Variants in CLCN5 observed in about 807,000 individuals in gnomAD.
The protein encoded by CLCN5 is H(+)/Cl(-) exchange transporter 5.
In CLCN5, 17 loss-of-function variants were observed where a neutral mutation model predicts 54.0. The observed-to-expected ratio is 0.31, with a 90% confidence interval of 0.22 to 0.47. CLCN5 has a LOEUF of 0.47. Among genes scored for constraint, CLCN5 ranks in the 20% least tolerant of loss-of-function variants. The pLI is 1.00. For synonymous variants in CLCN5, 222 were observed against 233.0 expected (o/e 0.95, Z 0.43); for missense variants, 448 against 646.7 (o/e 0.69, Z 3.33).
chrX:49,962,397 A>G (rs1569537417), intron 3 of CLCN5, among the ~76,000 whole-genome samples: 2 of 111,749 alleles, frequency 1.8e-5, no homozygotes, highest in Non-Finnish European at 3.8e-5. Flanking sequence ...TGATGCTTCA[A>G]GACCCACTTG....
chrX:50,076,297 G>A (rs1190869619), intron 7 of CLCN5, among the ~76,000 whole-genome samples: 2 of 112,219 alleles, frequency 1.8e-5, no homozygotes, highest in African/African-American at 6.5e-5. Context: ...AAGTGTCAGA[G>A]GCAGCCAACA....
chrX:49,974,567 A>G (rs1557176720), intron 3 of CLCN5, among the ~76,000 whole-genome samples: 1 of 111,675 alleles, frequency 9.0e-6, no homozygotes, highest in Non-Finnish European at 1.9e-5. Flanking sequence ...GATGAGGAAA[A>G]TAAGGCTCTG....
At chrX:50,064,137 A>G (rs1328187522) in intron 4 of CLCN5, among the ~76,000 whole-genome samples, 1 of 108,372 alleles carries the variant, frequency 9.2e-6, no homozygotes, top group East Asian at 2.9e-4. Context: ...CCTATTCAAC[A>G]TAGTGTTGGA....
At chrX:49,965,017 C>T (rs1320278940) in intron 3 of CLCN5, among the ~76,000 whole-genome samples, 2 of 111,553 alleles carry the variant, frequency 1.8e-5, no homozygotes, top group African/African-American at 6.5e-5. Flanking sequence ...TCATGTACAA[C>T]AAAATATATG....
At chrX:50,074,970 CTT>C (rs1305992483) in intron 6 of CLCN5, among the ~76,000 whole-genome samples, 27 of 112,100 alleles carry the variant, frequency 2.4e-4, no homozygotes, top group Non-Finnish European at 4.7e-4. Context: ...CTATAACTGT[CTT>C]AACCCTATCA....
chrX:50,030,416 T>C (rs1931641193), intron 3 of CLCN5, among the ~76,000 whole-genome samples: 1 of 112,138 alleles, frequency 8.9e-6, no homozygotes, highest in Non-Finnish European at 1.9e-5. Context: ...TCCTAATTTA[T>C]GAGTTCATAT....
chrX:50,013,021 C>G (rs1557182811), intron 3 of CLCN5, among the ~76,000 whole-genome samples: 1 of 111,452 alleles, frequency 9.0e-6, no homozygotes, highest in African/African-American at 3.3e-5. Context: ...CCTCCATAAC[C>G]ACACATTCAG....
chrX:50,078,909 G>A (rs961840395), intron 7 of CLCN5, among the ~76,000 whole-genome samples: 50 of 111,618 alleles, frequency 4.5e-4, no homozygotes, highest in African/African-American at 1.6e-3. Flanking sequence ...TGCAAGCTCC[G>A]CCTCCCGGGT....
intron 3 of CLCN5, among the ~76,000 whole-genome samples, chrX:49,997,493 A>G (rs889427410): frequency 2.7e-5 from 3 of 110,284 alleles, no homozygotes; most frequent in Non-Finnish European, 5.7e-5. Context: ...TTTTCAATCC[A>G]TTTTGTTACC....
At chrX:49,970,404 T>G (rs1317033195) in intron 3 of CLCN5, among the ~76,000 whole-genome samples, 3 of 111,053 alleles carry the variant, frequency 2.7e-5, no homozygotes, top group Non-Finnish European at 5.7e-5. Context: ...TGCCCATTAG[T>G]AGTCAATCCC....
intron 3 of CLCN5, among the ~76,000 whole-genome samples, chrX:49,950,485 T>G (rs1350155811): frequency 1.5e-4 from 17 of 111,432 alleles, no homozygotes; most frequent in Admixed American, 1.4e-3. Flanking sequence ...TTCTATAAGG[T>G]AAATACCATA....
chrX:50,078,544 A>G (rs984949969), intron 7 of CLCN5, among the ~76,000 whole-genome samples: 4 of 112,401 alleles, frequency 3.6e-5, no homozygotes, highest in Non-Finnish European at 7.5e-5. Context: ...TTATGTATGT[A>G]TTTGTGTGTG....
intron 7 of CLCN5, among the ~76,000 whole-genome samples, chrX:50,077,316 T>G (rs1189517549): frequency 2.7e-5 from 3 of 111,026 alleles, no homozygotes; most frequent in African/African-American, 9.8e-5. Context: ...GTAAGGTCAG[T>G]GTGCCAGAGG....
intron 3 of CLCN5, among the ~76,000 whole-genome samples, chrX:49,965,567 G>A (rs782231290): frequency 9.0e-6 from 1 of 111,541 alleles, no homozygotes; most frequent in Admixed American, 9.5e-5. Flanking sequence ...CTGTTAATAC[G>A]AGATTTAGGT....
intron 3 of CLCN5, among the ~76,000 whole-genome samples, chrX:49,936,037 T>C (rs886475498): frequency 9.0e-5 from 10 of 111,306 alleles, no homozygotes; most frequent in Non-Finnish European, 1.9e-4. Context: ...TAATGAGTAA[T>C]AACTGCCTTG....
chrX:50,081,078 A>G (rs1238525479), intron 8 of CLCN5, among the ~76,000 whole-genome samples: 2 of 111,940 alleles, frequency 1.8e-5, no homozygotes, highest in Admixed American at 9.4e-5. Context: ...TTCCCACAAT[A>G]TGATTTAGGC....
At chrX:50,056,963 C>T (rs1290157590) in intron 4 of CLCN5, among the ~76,000 whole-genome samples, 8 of 111,950 alleles carry the variant, frequency 7.1e-5, no homozygotes, top group African/African-American at 2.6e-4. Context: ...TCAGCAGAGT[C>T]GGGATAGAGT....
At chrX:50,069,384 G>C (rs901010424) in intron 4 of CLCN5, 6 of 317,058 alleles carry the variant, frequency 1.9e-5, no homozygotes, top group Non-Finnish European at 2.5e-5. Context: ...AGGGAAATTT[G>C]TACATTCCAG....
chrX:49,984,818 A>G (rs1408133637), intron 3 of CLCN5, among the ~76,000 whole-genome samples: 2 of 110,364 alleles, frequency 1.8e-5, no homozygotes, highest in Non-Finnish European at 1.9e-5. Context: ...GGATCTCACT[A>G]TGTTGCCCAG....
Sources: allele counts gnomAD v4.1 joint callset (sites outside exome capture counted in the v4.1 genomes callset), GRCh38; gene constraint gnomAD v4.1.1; transcripts MANE v1.5; gene names NCBI Gene and HGNC (gene_info 2026-07-23, HGNC 2026-07-21).